Variants in EVL observed in about 807,000 individuals in gnomAD.
EVL encodes the protein Enah/Vasp-like.
A neutral mutation model predicts 59.6 loss-of-function variants in EVL; 21 were observed. The observed-to-expected ratio is 0.35, with a 90% CI of 0.25 to 0.51. EVL has a LOEUF of 0.51. Ranked by LOEUF, EVL falls within the 20% of genes least tolerant of loss-of-function variation. The pLI, the probability that EVL is intolerant of heterozygous loss-of-function variation, is 0.97. For missense variants in EVL, 462 were observed against 546.6 expected, an observed-to-expected ratio of 0.85 and a Z score of 1.54; for synonymous variants, 198 against 203.5, an observed-to-expected ratio of 0.97 and a Z score of 0.23.
intron 1 of EVL, among the ~76,000 whole-genome samples, chr14:100,043,269 A>G (rs980512490): frequency 3.3e-5 from 5 of 151,072 alleles, no homozygotes; most frequent in Non-Finnish European, 7.4e-5. Context: ...GTGTGTGTAT[A>G]TATATATGTG....
chr14:100,084,614 A>G (rs2062395958), intron 1 of EVL, 73 bp from the exon 2 acceptor site: 3 of 1,529,762 alleles, frequency 2.0e-6, no homozygotes, highest in Non-Finnish European at 2.7e-6. Flanking sequence ...ATTGGCCTCT[A>G]TTTCAGAAAA....
chr14:99,990,955 AT>A (rs2060871869), intron 1 of EVL, among the ~76,000 whole-genome samples: 1 of 152,126 alleles, frequency 6.6e-6, no homozygotes, highest in Non-Finnish European at 1.5e-5. Flanking sequence ...TATATATATA[AT>A]TGACCCTTGA....
At chr14:100,011,475 A>G (rs1220174998) in intron 1 of EVL, among the ~76,000 whole-genome samples, 1 of 152,246 alleles carries the variant, frequency 6.6e-6, no homozygotes, top group Non-Finnish European at 1.5e-5. Context: ...AACCAGTTTT[A>G]TATCTAACTT....
At chr14:100,143,353 C>T (rs1034691322) in intron 13 of EVL, among the ~76,000 whole-genome samples, 2 of 152,138 alleles carry the variant, frequency 1.3e-5, no homozygotes, top group Non-Finnish European at 2.9e-5. Context: ...TGTCCAGAGC[C>T]TACAGAGACC....
In EVL at chr14:100,128,384, A is replaced by G. The variant is rs914358975; in HGVS notation, c.488-135A>G. ...CCCGCGGAGGCTTCCTGGATGAAGC[A>G]GGCCTGGAGCTGTTTCTCATCCCTT... On this transcript the variant is annotated intron_variant, in intron 5 of 13. Transcript: ENST00000392920. The G allele has an allele frequency of 2.8e-5, 24 of 868,972 alleles. No homozygotes were observed. The East Asian group carries it at 4.3e-4, about 16-fold the overall frequency. 53.8% of individuals were successfully genotyped at this position (868,972 alleles called of 1,614,324 possible). A position where few individuals can be genotyped will look rare whatever the true frequency, so the allele number is the denominator to read the frequency against.
At chr14:100,076,022 G>A (rs1183335807) in intron 1 of EVL, among the ~76,000 whole-genome samples, 5 of 152,228 alleles carry the variant, frequency 3.3e-5, no homozygotes, top group Non-Finnish European at 5.9e-5. Context: ...GGGAATGGGT[G>A]GATAGGTGTG....
At chr14:100,102,922 T>A (rs1190867274) in intron 3 of EVL, among the ~76,000 whole-genome samples, 1 of 151,956 alleles carries the variant, frequency 6.6e-6, no homozygotes, top group Non-Finnish European at 1.5e-5. Flanking sequence ...ATGGTGAAAC[T>A]CTGTCTCTAC....
At chr14:100,053,220 A>G (rs1413464348) in intron 1 of EVL, among the ~76,000 whole-genome samples, 1 of 152,202 alleles carries the variant, frequency 6.6e-6, no homozygotes, top group Non-Finnish European at 1.5e-5. Flanking sequence ...AAAGATTAAC[A>G]TAATAATAGC....
chr14:100,078,742 A>AGG (rs1266013680), intron 1 of EVL, among the ~76,000 whole-genome samples: 1 of 152,156 alleles, frequency 6.6e-6, no homozygotes, highest in East Asian at 1.9e-4. Context: ...AGTTCCCAGC[A>AGG]GGGCAGCTCA....
At chr14:99,989,239 C>T (rs2060859999) in intron 1 of EVL, among the ~76,000 whole-genome samples, 1 of 152,108 alleles carries the variant, frequency 6.6e-6, no homozygotes, top group South Asian at 2.1e-4. Flanking sequence ...GTCTCGGTTC[C>T]CTCCTGTCAC....
chr14:99,975,076 C>G (rs560803111), intron 1 of EVL: 1 of 152,618 alleles, frequency 6.6e-6, no homozygotes, highest in Non-Finnish European at 1.5e-5. Flanking sequence ...CCAGCCTTAG[C>G]CCTGGATGCC....
At chr14:100,142,175 G>T in intron 13 of EVL, 1 of 162,368 alleles carries the variant, frequency 6.2e-6, no homozygotes, top group Non-Finnish European at 1.4e-5. Flanking sequence ...TCTTGATACT[G>T]CCACCTCCAG....
At chr14:100,095,831 G>A (rs571476770) in intron 2 of EVL, among the ~76,000 whole-genome samples, 3 of 152,274 alleles carry the variant, frequency 2.0e-5, no homozygotes, top group South Asian at 2.1e-4. Context: ...GGGTTCAAGC[G>A]ATTCTCGTGC....
At chr14:100,031,987 G>A (rs1018924450) in intron 1 of EVL, among the ~76,000 whole-genome samples, 5 of 152,184 alleles carry the variant, frequency 3.3e-5, no homozygotes, top group South Asian at 2.1e-4. Flanking sequence ...CTAGTTTTTC[G>A]GAAGTTACCA....
intron 1 of EVL, among the ~76,000 whole-genome samples, chr14:100,078,554 G>A (rs1481915244): frequency 6.6e-6 from 1 of 151,636 alleles, no homozygotes; most frequent in East Asian, 1.9e-4. Context: ...TTCCAATGGG[G>A]GCTTGGAGAG....
intron 2 of EVL, among the ~76,000 whole-genome samples, chr14:100,088,779 G>A (rs2062501439): frequency 6.6e-6 from 1 of 152,132 alleles, no homozygotes; most frequent in Non-Finnish European, 1.5e-5. Context: ...TAAAACTTGT[G>A]TAAACGTTGT....
intron 1 of EVL, among the ~76,000 whole-genome samples, chr14:100,016,313 A>G (rs891670103): frequency 4.0e-5 from 6 of 151,860 alleles, no homozygotes; most frequent in African/African-American, 7.3e-5. Flanking sequence ...GGTGGACCAC[A>G]AGGTCAAGAG....
chr14:100,083,959 T>C (rs1035501275), intron 1 of EVL, among the ~76,000 whole-genome samples: 2 of 152,134 alleles, frequency 1.3e-5, no homozygotes, highest in African/African-American at 4.8e-5. Context: ...GCCACTTTTT[T>C]CTCATCTAAA....
chr14:100,096,030 A>C (rs1221556298), intron 2 of EVL, among the ~76,000 whole-genome samples: 1 of 151,972 alleles, frequency 6.6e-6, no homozygotes, highest in Non-Finnish European at 1.5e-5. Context: ...GCCCAGCTTC[A>C]ATTACGTTTT....
Sources: allele counts gnomAD v4.1 joint callset (sites outside exome capture counted in the v4.1 genomes callset), GRCh38; gene constraint gnomAD v4.1.1; transcripts MANE v1.5; gene names NCBI Gene and HGNC (gene_info 2026-07-23, HGNC 2026-07-21).